Variants in PPP1R8 observed in about 807,000 individuals in gnomAD.
PPP1R8 encodes the protein protein phosphatase 1 regulatory subunit 8, also known as nuclear inhibitor of protein phosphatase 1.
Under a neutral mutation model 31.3 loss-of-function variants are expected in PPP1R8, and 4 were observed. That is an observed-to-expected ratio of 0.13 (90% confidence interval 0.06 to 0.29). PPP1R8 has a LOEUF of 0.29. PPP1R8 is among the 10% of genes least tolerant of loss of function. The pLI is 1.00. For missense variants in PPP1R8, 254 were observed against 440.1 expected, an observed-to-expected ratio of 0.58 and a Z score of 3.78; for synonymous variants, 170 against 169.7, an observed-to-expected ratio of 1.00 and a Z score of -0.01.
chr1:27,846,538 G>A (rs180733425), intron 5 of PPP1R8, among the ~76,000 whole-genome samples: 21 of 152,294 alleles, frequency 1.4e-4, no homozygotes, highest in Admixed American at 1.3e-4. Context: ...ACCAAAATCC[G>A]TTTTTTTGCT....
chr1:27,849,190 G>T lies in PPP1R8; in HGVS notation c.703-903G>T, dbSNP rs2089314798. Among the ~76,000 whole-genome samples the T allele has an allele frequency of 2.6e-5, 4 of 152,158 alleles. No homozygotes were observed. The South Asian group carries it at 8.3e-4, about 32-fold the overall frequency. On this transcript the variant is annotated intron_variant, in intron 6 of 6. Coordinates refer to ENST00000311772, the MANE Select transcript of PPP1R8 (RefSeq NM_014110.5). ...AGTTCAAGACCAGCCTGACCAACAT[G>T]GAGAAACCCTGTCTCTACTAAAAAT...
At position 27,831,330 on chromosome 1, in the gene PPP1R8, G is replaced by C. The variant is rs192983280; in HGVS notation, c.56+439G>C. 6 of 992,512 alleles carry C rather than the reference G, an allele frequency of 6.0e-6. No homozygotes were observed. The East Asian group carries it at 4.5e-4, about 74-fold the overall frequency. The allele number at this position is 992,512 out of a possible 1,614,324, so 61.5% of individuals were successfully genotyped here. ...TCCCTCTGTGGTTGCTGCATCCCTC[G>C]TGCGGCACTTGTCTGTCTGCCACAG... On this transcript the variant is annotated intron_variant, in intron 1 of 6. Transcript: ENST00000311772.
chr1:27,846,954 T>C, intron 5 of PPP1R8, 74 bp from the exon 6 acceptor site: 1 of 1,237,006 alleles, frequency 8.1e-7, no homozygotes, highest in Non-Finnish European at 1.2e-6. Flanking sequence ...TGATGGTTTG[T>C]TTGCAGTGAC....
chr1:27,835,100 CT>C (rs1290447652), intron 2 of PPP1R8, among the ~76,000 whole-genome samples: 1 of 151,300 alleles, frequency 6.6e-6, no homozygotes, highest in Non-Finnish European at 1.5e-5. Flanking sequence ...TGGAGGCACT[CT>C]TTTTTTTTCC....
chr1:27,834,618 T>C (rs1250677244), intron 2 of PPP1R8: 1 of 491,210 alleles, frequency 2.0e-6, no homozygotes, highest in East Asian at 5.5e-5. Context: ...TTAGTGACTG[T>C]TGAAAGCCAG....
At chr1:27,841,541 C>T (rs867092072) in intron 4 of PPP1R8, among the ~76,000 whole-genome samples, 2 of 152,198 alleles carry the variant, frequency 1.3e-5, no homozygotes, top group African/African-American at 4.8e-5. Flanking sequence ...TTCTCTGTCC[C>T]TTGACTGCTT....
intron 6 of PPP1R8, among the ~76,000 whole-genome samples, chr1:27,848,989 C>A (rs535415145): frequency 8.5e-5 from 13 of 152,280 alleles, no homozygotes; most frequent in African/African-American, 2.9e-4. Flanking sequence ...TGCCTCGTAG[C>A]CCTTTGCAGC....
chr1:27,844,979 C>T (rs192457031), intron 5 of PPP1R8, among the ~76,000 whole-genome samples: 14,506 of 132,674 alleles, frequency 0.11, 2,835 homozygotes, highest in African/African-American at 0.4. Context: ...GTGATCCGCC[C>T]GCCTCGGCCT....
At position 27,841,235 on chromosome 1, in the gene PPP1R8, G is replaced by A; in HGVS notation, c.492+1G>A. Reference sequence around the variant, plus strand: ...TCCAGAGGAGGAAACTGAGCTTGATGTAATTCCCTGTTTATGTCATTGTTT... The same window carrying A: ...TCCAGAGGAGGAAACTGAGCTTGATATAATTCCCTGTTTATGTCATTGTTT... On this transcript the variant is annotated splice_donor_variant, in intron 4 of 6. Transcript: ENST00000311772. LOFTEE classifies it high-confidence loss of function. 6.2e-7 allele frequency: 1 copy of A among 1,613,894 alleles called. No homozygotes were observed. Among genetic ancestry groups the A allele is most frequent in the Non-Finnish European group, 8.5e-7 (1 of 1,179,924 alleles).
chr1:27,846,929 T>C, intron 5 of PPP1R8, 99 bp from the exon 6 acceptor site: 2 of 1,019,408 alleles, frequency 2.0e-6, no homozygotes, highest in South Asian at 2.6e-5. Context: ...TTTACAATTT[T>C]AATATGAGTT....
intron 2 of PPP1R8, among the ~76,000 whole-genome samples, chr1:27,833,710 G>C (rs1412677608): frequency 6.6e-6 from 1 of 152,152 alleles, no homozygotes; most frequent in Admixed American, 6.5e-5. Context: ...ATTGAATGCA[G>C]TTTTTTCATT....
In PPP1R8 at chr1:27,850,756, G is replaced by A; in HGVS notation, c.*310G>A. ...CTTTCTAGGATCATTTTTATGTAAA[G>A]TCACATATCCCAGGCCCTCAGGTTG... On this transcript the variant is annotated 3_prime_UTR_variant, in exon 7 of 7. Coordinates refer to ENST00000311772, the MANE Select transcript of PPP1R8 (RefSeq NM_014110.5). 3.8e-6 allele frequency: 1 copy of A among 264,018 alleles called. No individual in the cohort carries two copies. Among genetic ancestry groups the A allele is most frequent in the Non-Finnish European group, 7.2e-6 (1 of 137,960 alleles). The allele number at this position is 264,018 out of a possible 1,614,324, so 16.4% of individuals were successfully genotyped here.
At chr1:27,848,985 G>T (rs767573686) in intron 6 of PPP1R8, among the ~76,000 whole-genome samples, 1 of 152,114 alleles carries the variant, frequency 6.6e-6, no homozygotes. Context: ...AAGTTGCCTC[G>T]TAGCCCTTTG....
chr1:27,847,209 G>A, intron 6 of PPP1R8, 117 bp downstream of exon 6: 1 of 1,040,722 alleles, frequency 9.6e-7, no homozygotes, highest in South Asian at 1.3e-5. Context: ...GGCAGATCAA[G>A]AGGTCAAGAA....
chr1:27,844,703 C>CTTTTTTTTTTT (rs777070302), intron 5 of PPP1R8, among the ~76,000 whole-genome samples: 2 of 70,448 alleles, frequency 2.8e-5, no homozygotes, highest in African/African-American at 6.8e-5. Context: ...AGACAAATTT[C>CTTTTTTTTTTT]TTTTTTTTTT....
In PPP1R8 at chr1:27,851,418, C is replaced by T. The variant is rs1304855407; in HGVS notation, c.*972C>T. On this transcript the variant is annotated 3_prime_UTR_variant, in exon 7 of 7. Coordinates refer to ENST00000311772, the MANE Select transcript of PPP1R8 (RefSeq NM_014110.5). ...GAGACAAAGTTAGGAAACATTGATA[C>T]AAGCTTTGTACAGAGATTTGTACAT... is the stretch of plus-strand genomic sequence containing the variant. The T allele has an allele frequency of 7.8e-6, 3 of 382,912 alleles. No individual in the cohort carries two copies. The highest frequency in any genetic ancestry group is 6.3e-5 in the African/African-American group (3 of 47,818). 23.7% of individuals were successfully genotyped at this position (382,912 alleles called of 1,614,324 possible).
At chr1:27,836,547 TG>T (rs2089167891) in intron 2 of PPP1R8, among the ~76,000 whole-genome samples, 1 of 152,146 alleles carries the variant, frequency 6.6e-6, no homozygotes, top group Admixed American at 6.5e-5. Flanking sequence ...CCCGAGTAGC[TG>T]GGACTACAGG....
chr1:27,849,350 A>C (rs1237372267), intron 6 of PPP1R8, among the ~76,000 whole-genome samples: 1 of 150,136 alleles, frequency 6.7e-6, no homozygotes, highest in Admixed American at 6.6e-5. Flanking sequence ...CAGCCTGGGC[A>C]ACAAGAGTGA....
At chr1:27,832,320 C>T (rs1207692117) in intron 1 of PPP1R8, among the ~76,000 whole-genome samples, 2 of 152,156 alleles carry the variant, frequency 1.3e-5, no homozygotes, top group Non-Finnish European at 2.9e-5. Context: ...CAGGACAGTA[C>T]TCTTTGCTTA....
Sources: gnomAD v4.1 joint callset for allele counts (sites outside exome capture counted in the v4.1 genomes callset) on GRCh38, gnomAD v4.1.1 for gene constraint, MANE v1.5 for transcripts, NCBI Gene and HGNC (gene_info 2026-07-23, HGNC 2026-07-21) for gene names.